RCSD1: variants seen among roughly 807,000 people sequenced by gnomAD.
The protein encoded by RCSD1 is capZ-interacting protein.
In RCSD1, 26 loss-of-function variants were observed where a neutral mutation model predicts 42.5. That is an observed-to-expected ratio of 0.61 (90% CI 0.45 to 0.85). The LOEUF (loss-of-function observed/expected upper bound fraction) is 0.85. RCSD1 is among the 40% of genes least tolerant of loss of function. RCSD1 has a pLI of 0.00. For missense variants in RCSD1, 571 were observed against 528.3 expected (o/e 1.08, Z -0.79); for synonymous variants, 220 against 212.2 (o/e 1.04, Z -0.32).
At chr1:167,663,170 C>T (rs539443913) in intron 1 of RCSD1, among the ~76,000 whole-genome samples, 1 of 152,192 alleles carries the variant, frequency 6.6e-6, no homozygotes, top group Non-Finnish European at 1.5e-5. Flanking sequence ...TGCTCAGAGA[C>T]TTAACCCCGT....
chr1:167,661,144 G>A (rs1441553791), intron 1 of RCSD1, among the ~76,000 whole-genome samples: 2 of 152,116 alleles, frequency 1.3e-5, no homozygotes, highest in Non-Finnish European at 2.9e-5. Flanking sequence ...AATAAACATT[G>A]GTTTATAAGG....
chr1:167,701,230 C>T (rs4657696), intron 6 of RCSD1, among the ~76,000 whole-genome samples: 24,186 of 150,912 alleles, frequency 0.16, 2,248 homozygotes, highest in South Asian at 0.23. Context: ...CAAACTTTGA[C>T]GCCACTTAAC....
At chr1:167,640,155 G>A (rs1202708307) in intron 1 of RCSD1, among the ~76,000 whole-genome samples, 1 of 152,190 alleles carries the variant, frequency 6.6e-6, no homozygotes, top group Non-Finnish European at 1.5e-5. Context: ...ATGAGTTTGC[G>A]AGGGCTGCTG....
In RCSD1 at chr1:167,697,451, C is replaced by G; in HGVS notation, c.827C>G (p.Pro276Arg). The G allele has an allele frequency of 6.2e-7, 1 of 1,611,520 alleles. No homozygotes were observed. Among genetic ancestry groups the G allele is most frequent in the South Asian group, 1.1e-5 (1 of 90,720 alleles). The change falls in exon 6 of 7, where the codon CCG becomes CGG. Residue 276 changes from proline (P) to arginine (R), a missense_variant. Coordinates refer to ENST00000367854, the MANE Select transcript of RCSD1 (RefSeq NM_052862.4). ...RSSEEVDGQH[P>R]AQEEVPESPQ... ...TCAGAGGAGGTGGACGGCCAGCACC[C>G]GGCCCAAGAGGAGGTCCCGGAATCG...
intron 1 of RCSD1, among the ~76,000 whole-genome samples, chr1:167,650,178 A>C (rs1358550401): frequency 2.6e-5 from 4 of 152,174 alleles, no homozygotes; most frequent in African/African-American, 9.7e-5. Flanking sequence ...AAGGATTTGG[A>C]AAGAATATAA....
At chr1:167,695,413 G>A (rs1659475720) in intron 5 of RCSD1, among the ~76,000 whole-genome samples, 1 of 152,236 alleles carries the variant, frequency 6.6e-6, no homozygotes, top group Admixed American at 6.5e-5. Context: ...TCAAGAAAGG[G>A]CTTGGGAGGC....
intron 1 of RCSD1, among the ~76,000 whole-genome samples, chr1:167,660,305 G>A (rs538609894): frequency 3.9e-5 from 6 of 152,190 alleles, no homozygotes; most frequent in African/African-American, 1.4e-4. Context: ...CCAGAACACT[G>A]TCTATAATCA....
Position 167,697,430 on chromosome 1 carries a change from A to C in RCSD1, c.806A>C (p.Glu269Ala), listed in dbSNP as rs1329832554. 6.2e-7 allele frequency: 1 copy of C among 1,612,708 alleles called. No homozygotes were observed. The highest frequency in any genetic ancestry group is 2.2e-5 in the East Asian group (1 of 44,818). The change falls in exon 6 of 7, where the codon GAG (glutamate) becomes GCG (alanine). Residue 269 changes from glutamate to alanine, a missense_variant. Transcript: ENST00000367854. ...GGTGAAAAGGCCAGGCGGAGTTCAG[A>C]GGAGGTGGACGGCCAGCACCCGGCC... ...KNGEKARRSS[E>A]EVDGQHPAQE...
At chr1:167,661,636 G>A (rs911561292) in intron 1 of RCSD1, among the ~76,000 whole-genome samples, 2 of 152,244 alleles carry the variant, frequency 1.3e-5, no homozygotes, top group African/African-American at 2.4e-5. Context: ...GGAAGTGGAT[G>A]TGGATGTGCT....
chr1:167,687,835 G>A (rs1659273167), intron 3 of RCSD1, among the ~76,000 whole-genome samples: 1 of 152,220 alleles, frequency 6.6e-6, no homozygotes, highest in African/African-American at 2.4e-5. Context: ...CTGATGGCAG[G>A]GTGACCAAGA....
At chr1:167,643,466 C>T (rs760238104) in intron 1 of RCSD1, among the ~76,000 whole-genome samples, 3 of 152,218 alleles carry the variant, frequency 2.0e-5, no homozygotes, top group African/African-American at 4.8e-5. Flanking sequence ...AGTACTTTCC[C>T]GTATCTGTTC....
chr1:167,692,812 C>T (rs930337192), intron 4 of RCSD1, among the ~76,000 whole-genome samples: 6 of 152,164 alleles, frequency 3.9e-5, no homozygotes, highest in Admixed American at 3.9e-4. Flanking sequence ...TAAACGTGTG[C>T]AATGCTTTCA....
chr1:167,633,438 G>C (rs902696089), intron 1 of RCSD1, among the ~76,000 whole-genome samples: 9 of 152,232 alleles, frequency 5.9e-5, no homozygotes, highest in South Asian at 2.1e-4. Context: ...GCTTTGTCCA[G>C]CTGGCTGGGA....
In RCSD1 at chr1:167,707,661, CTTTTCTCTTCT is replaced by C. The variant is rs942360204; in HGVS notation, c.*2970_*2980del. ...GCCAAGGCTGTCTCTTTTTTCTCTT[CTTTTCTCTTCT>C]TTTTTTTTGAATGAGACAGAGTCTC... On this transcript the variant is annotated 3_prime_UTR_variant, in exon 7 of 7. Transcript: ENST00000367854. 1.7e-4 allele frequency among the ~76,000 whole-genome samples: 24 copies of C among 137,818 alleles called. No individual in the cohort carries two copies. The highest frequency in any genetic ancestry group is 1.6e-5 in the Non-Finnish European group (1 of 63,418). The allele number at this position is 137,818 out of a possible 152,430, so 90.4% of individuals were successfully genotyped here. A position where few individuals can be genotyped will look rare whatever the true frequency, so the allele number is the denominator to read the frequency against.
At chr1:167,656,902 A>G (rs146224720) in intron 1 of RCSD1, among the ~76,000 whole-genome samples, 2 of 152,346 alleles carry the variant, frequency 1.3e-5, no homozygotes, top group African/African-American at 4.8e-5. Context: ...GCTGTTCAGA[A>G]TTTACATCAC....
At chr1:167,683,846 A>T in intron 1 of RCSD1, 54 bp from the exon 2 acceptor site, 1 of 1,530,844 alleles carries the variant, frequency 6.5e-7, no homozygotes, top group Non-Finnish European at 9.0e-7. Context: ...GGTGCCTTGC[A>T]TGGCATCTGG....
intron 1 of RCSD1, among the ~76,000 whole-genome samples, chr1:167,660,809 A>G (rs1408068260): frequency 6.6e-6 from 1 of 152,296 alleles, no homozygotes; most frequent in African/African-American, 2.4e-5. Flanking sequence ...CCCTGGTTTC[A>G]TATTTCCCTA....
rs571717164 is a variant in RCSD1 at position 167,702,498 on chromosome 1, T to C, written c.1219-2166T>C. On this transcript the variant is annotated intron_variant, in intron 6 of 6. Coordinates refer to ENST00000367854, the MANE Select transcript of RCSD1 (RefSeq NM_052862.4). Reference sequence around the variant, plus strand: ...CTTAAAATAAATTTAGCAAGTGTTATCTGGGCGTGGTGGCTCACACCTGTA... The same window carrying C: ...CTTAAAATAAATTTAGCAAGTGTTACCTGGGCGTGGTGGCTCACACCTGTA... 1.4e-3 allele frequency among the ~76,000 whole-genome samples: 210 copies of C among 152,082 alleles called. 2 individuals carry two copies. Among genetic ancestry groups the C allele is most frequent in the Non-Finnish European group, 2.0e-3 (133 of 67,974 alleles).
rs932141189 is a variant in RCSD1 at position 167,630,591 on chromosome 1, T to A, written c.6+162T>A. 3 of 667,214 alleles carry A rather than the reference T, an allele frequency of 4.5e-6. No individual in the cohort carries two copies. In the South Asian group the frequency reaches 1.3e-4, roughly 29 times the overall value. 41.3% of individuals were successfully genotyped at this position (667,214 alleles called of 1,614,324 possible). On this transcript the variant is annotated intron_variant, in intron 1 of 6. Transcript: ENST00000367854. ...CTGTTCCGACGCCTCCTTGACCAACTCCGAAGGATCGTCCCTGGTCCCACC... is the reference window on the plus strand; with the variant it reads ...CTGTTCCGACGCCTCCTTGACCAACACCGAAGGATCGTCCCTGGTCCCACC...
Sources: gnomAD v4.1 joint callset for allele counts (sites outside exome capture counted in the v4.1 genomes callset) on GRCh38, gnomAD v4.1.1 for gene constraint, MANE v1.5 for transcripts, NCBI Gene and HGNC (gene_info 2026-07-23, HGNC 2026-07-21) for gene names.